Variants in USH2A observed in about 807,000 individuals in gnomAD.
USH2A encodes Usher syndrome 2A (autosomal recessive, mild).
A neutral mutation model predicts 538.9 loss-of-function variants in USH2A; 443 were observed. The observed-to-expected ratio is 0.82, with a 90% CI of 0.76 to 0.89. The LOEUF is 0.89. USH2A is among the 40% of genes least tolerant of loss of function. The pLI is 0.00. For missense variants in USH2A, 6,633 were observed against 6,324.8 expected, an observed-to-expected ratio of 1.05 and a Z score of -1.65; for synonymous variants, 2,413 against 2,273.5, an observed-to-expected ratio of 1.06 and a Z score of -1.75.
chr1:216,285,923 C>T (rs1571661037), intron 11 of USH2A, among the ~76,000 whole-genome samples: 2 of 152,294 alleles, frequency 1.3e-5, no homozygotes, highest in Admixed American at 6.5e-5. Flanking sequence ...TGTGTAGTTA[C>T]CCATTGCCTG....
At chr1:216,034,260 G>A (rs1333603773) in intron 32 of USH2A, among the ~76,000 whole-genome samples, 1 of 152,146 alleles carries the variant, frequency 6.6e-6, no homozygotes, top group Admixed American at 6.6e-5. Context: ...CAGACACCAA[G>A]AGAAGAATGT....
chr1:215,748,328 T>A (rs1335086947), intron 58 of USH2A, among the ~76,000 whole-genome samples: 1 of 152,168 alleles, frequency 6.6e-6, no homozygotes, highest in Non-Finnish European at 1.5e-5. Flanking sequence ...TTTCTTTAGA[T>A]CTTCCTAATA....
chr1:215,625,813 C>A lies in USH2A; in HGVS notation c.15577G>T (p.Glu5193Ter), dbSNP rs1365989569. 6.2e-7 allele frequency: 1 copy of A among 1,613,932 alleles called. No homozygotes were observed. Among genetic ancestry groups the A allele is most frequent in the African/African-American group, 1.3e-5 (1 of 74,904 alleles). Residue 5193 changes from glutamate (E) to a stop codon, truncating the protein, a stop_gained, in exon 72 of 72, where the codon GAA becomes TAA. Transcript: ENST00000307340. LOFTEE classifies it high-confidence loss of function. The part of the protein sequence containing the change: ...AIKDFSSVTK[E>*]RTTFTDTHL ...TGGGTGTCTGTGAATGTGGTGCGTT[C>A]CTTAGTCACTGAGCTGAAATCCTTG...
At chr1:215,751,244 TA>T (rs1464563675) in intron 58 of USH2A, among the ~76,000 whole-genome samples, 1 of 152,034 alleles carries the variant, frequency 6.6e-6, no homozygotes, top group Non-Finnish European at 1.5e-5. Context: ...AAATGATAAA[TA>T]AAAAAATTTG....
At position 215,650,819 on chromosome 1, in the gene USH2A, C is replaced by A. The variant is rs746718639; in HGVS notation, c.14134-18G>T. 21 of 1,353,700 alleles carry A rather than the reference C, an allele frequency of 1.6e-5. No individual in the cohort carries two copies. The highest frequency in any genetic ancestry group is 8.2e-5 in the Admixed American group (4 of 48,558). 83.9% of individuals were successfully genotyped at this position (1,353,700 alleles called of 1,614,324 possible). On this transcript the variant is annotated intron_variant, in intron 64 of 71. Coordinates refer to ENST00000307340, the MANE Select transcript of USH2A (RefSeq NM_206933.4). The stretch of plus-strand genomic sequence containing the variant: ...GCCCAGACCTCCAAAGAGAAATCAA[C>A]AAGACTGTCAAAAGCAAGATACCCT...
At chr1:215,630,568 T>G (rs1656246618) in intron 70 of USH2A, among the ~76,000 whole-genome samples, 1 of 141,350 alleles carries the variant, frequency 7.1e-6, no homozygotes, top group Non-Finnish European at 1.5e-5. Context: ...AACTTCATAG[T>G]GAGGCCGGGT....
At chr1:216,404,381 C>T (rs976730989) in intron 3 of USH2A, among the ~76,000 whole-genome samples, 18 of 151,996 alleles carry the variant, frequency 1.2e-4, no homozygotes, top group Non-Finnish European at 1.8e-4. Flanking sequence ...TAGAAGGAGT[C>T]GCTCTACTAG....
intron 54 of USH2A, among the ~76,000 whole-genome samples, chr1:215,780,291 G>A (rs905234059): frequency 6.6e-6 from 1 of 151,936 alleles, no homozygotes; most frequent in Non-Finnish European, 1.5e-5. Context: ...CAATTTTGAC[G>A]GCAGAGTGCA....
intron 58 of USH2A, among the ~76,000 whole-genome samples, chr1:215,750,104 A>C (rs1384572613): frequency 6.6e-6 from 1 of 152,120 alleles, no homozygotes; most frequent in Non-Finnish European, 1.5e-5. Flanking sequence ...AAGAGGAAAA[A>C]CTATTAATTC....
rs141843883 is a variant in USH2A, at chr1:216,237,636, A to G, written c.2810-5500T>C. On this transcript the variant is annotated intron_variant, in intron 13 of 71. Transcript: ENST00000307340. ...TTCCCCCAATTAGATTAAAATGAGA[A>G]TAATCCCAGCACCTCCATCTTAGAA... Among the ~76,000 whole-genome samples the G allele has an allele frequency of 2.3e-3, 349 of 152,330 alleles. 4 individuals carry two copies. The highest frequency in any genetic ancestry group is 7.7e-3 in the African/African-American group (319 of 41,588).
chr1:215,836,710 C>T (rs1663543130), intron 47 of USH2A, among the ~76,000 whole-genome samples: 1 of 145,048 alleles, frequency 6.9e-6, no homozygotes, highest in Non-Finnish European at 1.5e-5. Flanking sequence ...GTGCCCCCCA[C>T]CACGCCCTGC....
Position 215,817,206 on chromosome 1 carries a change from G to C in USH2A, c.9372-11C>G, listed in dbSNP as rs767788226. 1 of 1,610,944 alleles carries C rather than the reference G, an allele frequency of 6.2e-7. No individual in the cohort carries two copies. The highest frequency in any genetic ancestry group is 2.2e-5 in the East Asian group (1 of 44,782). On this transcript the variant is annotated splice_polypyrimidine_tract_variant and intron_variant, in intron 47 of 71. Coordinates refer to ENST00000307340, the MANE Select transcript of USH2A (RefSeq NM_206933.4). ...TCAATTTGAAGAGATCTGCAACAGA[G>C]AGAATAATCAATACTTCTGAAAAGA...
At chr1:216,337,621 G>C (rs1177395410) in intron 4 of USH2A, among the ~76,000 whole-genome samples, 4 of 151,330 alleles carry the variant, frequency 2.6e-5, no homozygotes, top group African/African-American at 9.7e-5. Flanking sequence ...ACAAGTTGAG[G>C]ATGCTTGCTC....
At chr1:216,384,549 T>C (rs2038973843) in intron 3 of USH2A, among the ~76,000 whole-genome samples, 1 of 152,164 alleles carries the variant, frequency 6.6e-6, no homozygotes, top group Admixed American at 6.5e-5. Flanking sequence ...AGACAGTAGG[T>C]CAATATACCC....
Position 216,070,304 on chromosome 1 carries a change from T to C in USH2A, c.5858-12A>G, listed in dbSNP as rs727503727. On this transcript the variant is annotated splice_polypyrimidine_tract_variant and intron_variant, in intron 29 of 71. Transcript: ENST00000307340. ...CACACTTTGTGGAGCTGTGAAGGAA[T>C]AAAAGAGAAAATAGGGAAAATGGCA... is the stretch of plus-strand genomic sequence containing the variant. The C allele has an allele frequency of 3.1e-6, 5 of 1,613,538 alleles. No homozygotes were observed. Among genetic ancestry groups the C allele is most frequent in the Non-Finnish European group, 4.2e-6 (5 of 1,179,710 alleles).
At chr1:216,180,472 T>G (rs2034471996) in intron 20 of USH2A, among the ~76,000 whole-genome samples, 1 of 152,138 alleles carries the variant, frequency 6.6e-6, no homozygotes, top group Non-Finnish European at 1.5e-5. Flanking sequence ...CTTTATAACA[T>G]AATTAGTAGT....
intron 48 of USH2A, among the ~76,000 whole-genome samples, chr1:215,816,636 C>G (rs1662863707): frequency 6.6e-6 from 1 of 151,976 alleles, no homozygotes; most frequent in Admixed American, 6.6e-5. Context: ...TAAAATATTT[C>G]TGACAAATCA....
chr1:216,261,729 T>G (rs1227812870), intron 11 of USH2A, among the ~76,000 whole-genome samples: 3 of 152,094 alleles, frequency 2.0e-5, no homozygotes, highest in African/African-American at 7.2e-5. Context: ...TCACTCCTGG[T>G]GAACCAGTTC....
intron 64 of USH2A, among the ~76,000 whole-genome samples, chr1:215,658,312 G>A (rs898700384): frequency 6.6e-6 from 1 of 150,916 alleles, no homozygotes; most frequent in East Asian, 1.9e-4. Context: ...ACCCCCATCC[G>A]ACTCTCATGG....
Sources: allele counts gnomAD v4.1 joint callset (sites outside exome capture counted in the v4.1 genomes callset), GRCh38; gene constraint gnomAD v4.1.1; transcripts MANE v1.5; gene names NCBI Gene and HGNC (gene_info 2026-07-23, HGNC 2026-07-21).